ACSM6: variants seen among roughly 807,000 people sequenced by gnomAD.
ACSM6 encodes acyl-coenzyme A synthetase ACSM6, mitochondrial.
A neutral mutation model predicts 51.1 loss-of-function variants in ACSM6; 35 were observed. That is an observed-to-expected ratio of 0.69 (90% confidence interval 0.52 to 0.91). The LOEUF (loss-of-function observed/expected upper bound fraction) is 0.91. Among genes scored for constraint, ACSM6 ranks in the 40% least tolerant of loss-of-function variants. The probability of loss-of-function intolerance (pLI) is 0.00; values close to 1 mark genes in which losing one functional copy is unlikely to be tolerated. For missense variants in ACSM6, 509 were observed against 584.1 expected (o/e 0.87, Z 1.32); for synonymous variants, 172 against 207.3 (o/e 0.83, Z 1.46).
intron 10 of ACSM6, among the ~76,000 whole-genome samples, chr10:95,226,747 A>T (rs1668951218): frequency 1.3e-5 from 2 of 149,842 alleles, no homozygotes; most frequent in Admixed American, 1.3e-4. Context: ...CCTGATAATA[A>T]AACTCACTTG....
chr10:95,204,905 T>G (rs2034827728), intron 3 of ACSM6, among the ~76,000 whole-genome samples: 1 of 152,202 alleles, frequency 6.6e-6, no homozygotes, highest in South Asian at 2.1e-4. Context: ...AAGAAACATC[T>G]GTGTGGCCAA....
chr10:95,227,795 C>A (rs182560561), intron 10 of ACSM6, among the ~76,000 whole-genome samples: 1 of 152,186 alleles, frequency 6.6e-6, no homozygotes. Context: ...TGGCCGGGCG[C>A]GGTGGCTCAT....
At chr10:95,209,376 G>A (rs2034872789) in intron 4 of ACSM6, among the ~76,000 whole-genome samples, 1 of 152,202 alleles carries the variant, frequency 6.6e-6, no homozygotes, top group South Asian at 2.1e-4. Context: ...ACTGCGGCAG[G>A]TCTTGGAGGT....
At chr10:95,224,029 T>G (rs2035016934) in intron 9 of ACSM6, among the ~76,000 whole-genome samples, 1 of 152,084 alleles carries the variant, frequency 6.6e-6, no homozygotes, top group Non-Finnish European at 1.5e-5. Context: ...AAAATAAAAT[T>G]AATAGAACAA....
At chr10:95,203,857 TAAAAAAAAAAAAA>T (rs34969526) in intron 3 of ACSM6, among the ~76,000 whole-genome samples, 2 of 106,870 alleles carry the variant, frequency 1.9e-5, no homozygotes, top group Admixed American at 1.0e-4. Flanking sequence ...ATGCTAGATT[TAAAAAAAAAAAAA>T]AAAAAAAAAA....
chr10:95,207,517 T>C, intron 4 of ACSM6, 102 bp downstream of exon 4: 1 of 1,210,202 alleles, frequency 8.3e-7, no homozygotes, highest in Non-Finnish European at 1.2e-6. Context: ...AATGAAAAGC[T>C]GAATGGCAAT....
chr10:95,196,511 A>G (rs1269711555), intron 2 of ACSM6, among the ~76,000 whole-genome samples: 1 of 152,268 alleles, frequency 6.6e-6, no homozygotes, highest in East Asian at 1.9e-4. Context: ...ACTGGTAAAC[A>G]TGAAAAAATT....
chr10:95,207,939 G>A (rs930643664), intron 4 of ACSM6, among the ~76,000 whole-genome samples: 4 of 152,132 alleles, frequency 2.6e-5, no homozygotes, highest in South Asian at 2.1e-4. Flanking sequence ...TCAGGAGTTC[G>A]AGACCAGCCT....
exon 6 of ACSM6, chr10:95,211,969 T>G: frequency 3.7e-6 from 6 of 1,614,102 alleles, no homozygotes; most frequent in Non-Finnish European, 5.1e-6. Flanking sequence ...CTTGGGAACT[T>G]GGTTCCAAGG....
chr10:95,200,597 A>AAGG lies in ACSM6; in HGVS notation c.193-1386_193-1385insGAG, dbSNP rs1554829168. On this transcript the variant is annotated intron_variant, in intron 2 of 10. Transcript: ENST00000341686. ...AAGAAGAAGATGAAGAAAGAAGAAG[A>AAGG]AGAAGGAGAAGGAGAAGGAGAAGAA... 1.0e-3 allele frequency among the ~76,000 whole-genome samples: 151 copies of AAGG among 145,618 alleles called. 2 individuals are homozygous for AAGG. The highest frequency in any genetic ancestry group is 3.0e-3 in the African/African-American group (119 of 39,522).
At chr10:95,219,490 T>C (rs2034973841) in intron 8 of ACSM6, among the ~76,000 whole-genome samples, 1 of 152,222 alleles carries the variant, frequency 6.6e-6, no homozygotes, top group Non-Finnish European at 1.5e-5. Context: ...GTCATGCATG[T>C]TTTCTTGCTA....
In ACSM6 at chr10:95,228,448, A is replaced by G. The variant is rs77002988; in HGVS notation, c.1303-196A>G. On this transcript the variant is annotated intron_variant, in intron 10 of 10. Coordinates refer to ENST00000341686, the Ensembl canonical transcript of ACSM6. ...GTTTCTAGCTGGGACAAAAAAAAAA[A>G]AGCTGAAGTTAAGAGAAATGACCAA... The G allele has an allele frequency of 2.5e-5, 13 of 518,810 alleles. No individual in the cohort carries two copies. In the East Asian group the frequency reaches 4.2e-4, roughly 17 times the overall value. 32.1% of individuals were successfully genotyped at this position (518,810 alleles called of 1,614,324 possible).
rs777009192 is a variant in ACSM6 at position 95,214,915 on chromosome 10, T to C, written c.1059T>C (p.Ile353=). The C allele has an allele frequency of 2.6e-5, 40 of 1,551,498 alleles. No homozygotes were observed. The East Asian group carries it at 9.0e-4, about 35-fold the overall frequency. ...GAGGACCCATCAGCCCTGGGGTGAT[T>C]GAGGACTGGAAACGCATCACTAAGT... Residue 353 remains isoleucine (I), a synonymous_variant, in exon 8 of 11, where the codon ATT becomes ATC. Transcript: ENST00000341686.
chr10:95,214,708 G>A, intron 7 of ACSM6, 144 bp from the exon 8 acceptor site: 1 of 838,834 alleles, frequency 1.2e-6, no homozygotes, highest in Non-Finnish European at 1.8e-6. Flanking sequence ...ATCTAATAGA[G>A]TAGTATTAAG....
exon 11 of ACSM6, chr10:95,228,793 G>A (rs2035066103): frequency 5.2e-6 from 8 of 1,550,392 alleles, no homozygotes; most frequent in Non-Finnish European, 7.0e-6. Context: ...GAATGCTTTG[G>A]TTATTGCTAT....
chr10:95,222,684 T>C (rs2035004878), intron 9 of ACSM6, among the ~76,000 whole-genome samples: 1 of 151,520 alleles, frequency 6.6e-6, no homozygotes, highest in African/African-American at 2.4e-5. Context: ...TGCCAGGAGC[T>C]GGTGGAGAGG....
intron 7 of ACSM6, among the ~76,000 whole-genome samples, chr10:95,214,395 G>A (rs899808607): frequency 3.9e-5 from 6 of 152,162 alleles, no homozygotes; most frequent in African/African-American, 1.4e-4. Context: ...CTATTGTTGG[G>A]GCGCTGTGGA....
At chr10:95,207,307 T>C (rs2133378437) in exon 4 of ACSM6, 2 of 1,614,168 alleles carry the variant, frequency 1.2e-6, no homozygotes, top group Non-Finnish European at 1.7e-6. Context: ...AATGAAGCTA[T>C]GGCCCCAGTT....
At chr10:95,194,653 G>A in exon 2 of ACSM6, 1 of 1,551,996 alleles carries the variant, frequency 6.4e-7, no homozygotes, top group Non-Finnish European at 8.7e-7. Context: ...AGGATGTGTT[G>A]GATCAGTGGT....
Sources: allele counts gnomAD v4.1 joint callset (sites outside exome capture counted in the v4.1 genomes callset), GRCh38; gene constraint gnomAD v4.1.1; transcripts MANE v1.5; gene names NCBI Gene and HGNC (gene_info 2026-07-23, HGNC 2026-07-21).